Variants in MTA3 observed in about 807,000 individuals in gnomAD.
The protein encoded by MTA3 is metastasis-associated protein MTA3.
A neutral mutation model predicts 83.5 loss-of-function variants in MTA3; 34 were observed. The observed-to-expected ratio is 0.41, with a 90% CI of 0.31 to 0.54. MTA3 has a LOEUF of 0.54. Among genes scored for constraint, MTA3 ranks in the 20% least tolerant of loss-of-function variants. The pLI is 0.33. For missense variants in MTA3, 761 were observed against 726.4 expected (o/e 1.05, Z -0.55); for synonymous variants, 303 against 252.7 (o/e 1.20, Z -1.89).
At chr2:42,513,759 G>A (rs953383052) in intron 2 of MTA3, among the ~76,000 whole-genome samples, 2 of 152,196 alleles carry the variant, frequency 1.3e-5, no homozygotes, top group Admixed American at 6.5e-5. Flanking sequence ...GAACTTAAAG[G>A]GACAGGGAAG....
At chr2:42,563,853 C>T (rs909577218), upstream of MTA3, among the ~76,000 whole-genome samples, 3 of 133,224 alleles carry the variant, frequency 2.3e-5, no homozygotes, top group African/African-American at 8.3e-5. Flanking sequence ...GATGGAGTTT[C>T]GCTCTTGTTG....
chr2:42,603,793 C>G (rs936127919), intron 3 of MTA3, among the ~76,000 whole-genome samples: 5 of 152,210 alleles, frequency 3.3e-5, no homozygotes, highest in Admixed American at 3.3e-4. Context: ...GAGTCTGGCT[C>G]TGTCACCCAG....
chr2:42,729,750 G>A (rs759541599), intron 16 of MTA3, among the ~76,000 whole-genome samples: 15 of 152,088 alleles, frequency 9.9e-5, no homozygotes, highest in Admixed American at 5.2e-4. Context: ...TGTTCCTTTT[G>A]TTCAGAATAG....
rs562365924 is a variant in MTA3 at position 42,620,981 on chromosome 2, G to A, written c.317+11397G>A. ...TAGATATTCATGTGAAACTCTAGTT[G>A]TCAGCCATTCACAATGTAGACATAC... On this transcript the variant is annotated intron_variant, in intron 4 of 16. Coordinates refer to ENST00000405094, the MANE Select transcript of MTA3 (RefSeq NM_001330442.2). 2.8e-3 allele frequency among the ~76,000 whole-genome samples: 421 copies of A among 152,232 alleles called. 1 individual carries two copies. Among genetic ancestry groups the A allele is most frequent in the Middle Eastern group, 0.01 (3 of 294 alleles).
At chr2:42,554,834 A>G (rs565331885) in intron 2 of MTA3, among the ~76,000 whole-genome samples, 1 of 152,298 alleles carries the variant, frequency 6.6e-6, no homozygotes, top group South Asian at 2.1e-4. Context: ...GGGAAGAATC[A>G]CTACCAGAGG....
intron 16 of MTA3, among the ~76,000 whole-genome samples, chr2:42,746,414 G>A (rs1573839961): frequency 6.6e-6 from 1 of 152,164 alleles, no homozygotes; most frequent in African/African-American, 2.4e-5. Flanking sequence ...GACCAAATGT[G>A]TGGGGACTTT....
chr2:42,622,604 C>A (rs1260269484), intron 4 of MTA3, among the ~76,000 whole-genome samples: 2 of 151,818 alleles, frequency 1.3e-5, no homozygotes, highest in African/African-American at 4.8e-5. Flanking sequence ...AACGTAAGTT[C>A]TTTGAGTACC....
rs1665872505 is a variant in MTA3, at chr2:42,704,283, A to C, written c.1115A>C (p.Asn372Thr). Residue 372 changes from asparagine (N) to threonine (T), a missense_variant, in exon 12 of 17, where the codon AAT becomes ACT. Asn to Thr is a moderately conservative substitution (Grantham distance 65, BLOSUM62 0). Coordinates refer to ENST00000405094, the MANE Select transcript of MTA3 (RefSeq NM_001330442.2). ...GTGGGGACCACGTTCCAGCCTCAGA[A>C]TCCTCTCTTAGGGAGAGCCTGTGAG... is the stretch of plus-strand genomic sequence containing the variant. ...GAVGTTFQPQNPLLGRACESC... is the reference protein window; with the variant it reads ...GAVGTTFQPQTPLLGRACESC... The C allele has an allele frequency of 6.2e-7, 1 of 1,613,836 alleles. No homozygotes were observed. The highest frequency in any genetic ancestry group is 1.3e-5 in the African/African-American group (1 of 74,934).
chr2:42,518,778 C>A (rs1343720135), intron 2 of MTA3, among the ~76,000 whole-genome samples: 1 of 151,868 alleles, frequency 6.6e-6, no homozygotes, highest in East Asian at 1.9e-4. Context: ...CCAACCTGGG[C>A]AACATAGGGA....
At chr2:42,595,639 C>T (rs972403543) in intron 3 of MTA3, among the ~76,000 whole-genome samples, 2 of 152,244 alleles carry the variant, frequency 1.3e-5, no homozygotes, top group East Asian at 1.9e-4. Flanking sequence ...CAAGGAAATA[C>T]ATTTTACTTA....
chr2:42,532,735 G>T, intron 2 of MTA3: 1 of 203,866 alleles, frequency 4.9e-6, no homozygotes. Context: ...TTACAATCCA[G>T]AGGTTTTTTT....
intron 4 of MTA3, among the ~76,000 whole-genome samples, chr2:42,621,776 ACGGG>A (rs1685571386): frequency 6.7e-6 from 1 of 148,978 alleles, no homozygotes; most frequent in Admixed American, 6.7e-5. Flanking sequence ...CACTTCTCAG[ACGGG>A]GCGGCTGGGC....
chr2:42,675,137 T>C (rs1448411740), intron 8 of MTA3, among the ~76,000 whole-genome samples: 1 of 151,922 alleles, frequency 6.6e-6, no homozygotes, highest in East Asian at 1.9e-4. Flanking sequence ...TCTATTTCTT[T>C]TCTTTTTTCT....
chr2:42,508,841 A>C (rs1674764656), intron 2 of MTA3, among the ~76,000 whole-genome samples: 2 of 146,882 alleles, frequency 1.4e-5, no homozygotes, highest in Admixed American at 1.4e-4. Context: ...ATAATATTAA[A>C]TATATTAAAT....
intron 7 of MTA3, among the ~76,000 whole-genome samples, chr2:42,658,546 A>G (rs534302769): frequency 2.0e-5 from 3 of 152,162 alleles, no homozygotes; most frequent in Non-Finnish European, 4.4e-5. Flanking sequence ...TAATCAAAAG[A>G]AGCTGGACGT....
chr2:42,678,318 G>C (rs1236819659), intron 8 of MTA3, among the ~76,000 whole-genome samples: 1 of 152,026 alleles, frequency 6.6e-6, no homozygotes, highest in Non-Finnish European at 1.5e-5. Flanking sequence ...TTTTGTGAAA[G>C]CCAATGATTT....
At chr2:42,584,737 C>T (rs1680063088) in intron 3 of MTA3, among the ~76,000 whole-genome samples, 2 of 151,978 alleles carry the variant, frequency 1.3e-5, no homozygotes, top group South Asian at 4.2e-4. Context: ...TGTGGTGGCA[C>T]ACAGCTCTGG....
intron 7 of MTA3, among the ~76,000 whole-genome samples, chr2:42,658,460 C>G (rs1301431996): frequency 6.6e-6 from 1 of 152,148 alleles, no homozygotes; most frequent in Non-Finnish European, 1.5e-5. Flanking sequence ...CGTCGTACAA[C>G]GGAATGTCGC....
chr2:42,594,728 A>ATATATATATTTTTTTT lies in MTA3; in HGVS notation c.191-14729_191-14728insATATATATTTTTTTTT. On this transcript the variant is annotated intron_variant, in intron 3 of 16. Transcript: ENST00000405094. ...TACATATATATATATATATATATATATTTTTTTTTTTTTTTTGAGACAGAG... is the reference window on the plus strand; with the variant it reads ...TACATATATATATATATATATATATATATATATATTTTTTTTTTTTTTTTTTTTTTTTGAGACAGAG... Among the ~76,000 whole-genome samples the ATATATATATTTTTTTT allele has an allele frequency of 3.2e-3, 78 of 24,034 alleles. 2 individuals are homozygous for ATATATATATTTTTTTT. The highest frequency in any genetic ancestry group is 4.0e-3 in the Non-Finnish European group (62 of 15,454). The allele number at this position is 24,034 out of a possible 152,430, so 15.8% of individuals were successfully genotyped here.
Sources: gnomAD v4.1 joint callset for allele counts (sites outside exome capture counted in the v4.1 genomes callset) on GRCh38, gnomAD v4.1.1 for gene constraint, MANE v1.5 for transcripts, NCBI Gene and HGNC (gene_info 2026-07-23, HGNC 2026-07-21) for gene names.